CNTNAP2: variants seen among roughly 807,000 people sequenced by gnomAD.
The protein encoded by CNTNAP2 is contactin-associated protein-like 2.
CNTNAP2 carries 98 observed loss-of-function variants against 155.2 expected under a neutral mutation model. That is an observed-to-expected ratio of 0.63 (90% CI 0.54 to 0.75). The LOEUF is 0.75. Ranked by LOEUF, CNTNAP2 falls within the 30% of genes least tolerant of loss-of-function variation. The probability of loss-of-function intolerance (pLI) is 0.00; values close to 1 mark genes in which losing one functional copy is unlikely to be tolerated. For missense variants in CNTNAP2, 1,727 were observed against 1,688.1 expected, an observed-to-expected ratio of 1.02 and a Z score of -0.40; for synonymous variants, 651 against 631.2, an observed-to-expected ratio of 1.03 and a Z score of -0.47.
In CNTNAP2 at chr7:147,309,154, C is replaced by T. The variant is rs112586214; in HGVS notation, c.1498+8864C>T. 1.9e-4 allele frequency among the ~76,000 whole-genome samples: 29 copies of T among 152,222 alleles called. 1 individual carries two copies. The highest frequency in any genetic ancestry group is 6.5e-4 in the African/African-American group (27 of 41,538). On this transcript the variant is annotated intron_variant, in intron 9 of 23. Transcript: ENST00000361727. ...GGGGGGTAGAAAGTAAACTATTTAT[C>T]GCCTCTTAAAATCTAAACTGGAAAT...
At chr7:146,197,127 A>T (rs908622185) in intron 1 of CNTNAP2, among the ~76,000 whole-genome samples, 1 of 152,072 alleles carries the variant, frequency 6.6e-6, no homozygotes, top group Non-Finnish European at 1.5e-5. Flanking sequence ...TTCCACTTTC[A>T]TTTTTCCTAG....
intron 12 of CNTNAP2, among the ~76,000 whole-genome samples, chr7:147,612,830 C>T (rs1801212959): frequency 6.6e-6 from 1 of 152,170 alleles, no homozygotes; most frequent in Non-Finnish European, 1.5e-5. Context: ...ATTTTCTACT[C>T]AATGTTCTGA....
intron 9 of CNTNAP2, among the ~76,000 whole-genome samples, chr7:147,358,009 T>C (rs1043707005): frequency 6.6e-6 from 1 of 152,194 alleles, no homozygotes; most frequent in African/African-American, 2.4e-5. Flanking sequence ...TTAATTGTAG[T>C]ATCTGTGAAA....
chr7:146,604,752 T>G (rs1484932589), intron 1 of CNTNAP2, among the ~76,000 whole-genome samples: 3 of 140,496 alleles, frequency 2.1e-5, no homozygotes, highest in East Asian at 4.1e-4. Context: ...CCATAAAAAA[T>G]GATGAGTTCA....
intron 15 of CNTNAP2, among the ~76,000 whole-genome samples, chr7:148,010,252 C>G (rs2116904205): frequency 6.6e-6 from 1 of 151,470 alleles, no homozygotes; most frequent in South Asian, 2.1e-4. Context: ...TTTACATAAA[C>G]CAAATATTAA....
intron 15 of CNTNAP2, among the ~76,000 whole-genome samples, chr7:148,100,204 T>C (rs1804067804): frequency 6.6e-6 from 1 of 152,054 alleles, no homozygotes; most frequent in Non-Finnish European, 1.5e-5. Flanking sequence ...TGTTGGACTC[T>C]TGTCTTTCCT....
intron 8 of CNTNAP2, among the ~76,000 whole-genome samples, chr7:147,287,969 C>G (rs1462334600): frequency 6.6e-6 from 1 of 152,084 alleles, no homozygotes; most frequent in South Asian, 2.1e-4. Flanking sequence ...TTCACTCTTG[C>G]CTTCTACTTA....
intron 12 of CNTNAP2, among the ~76,000 whole-genome samples, chr7:147,593,212 ATT>A (rs201990418): frequency 2.1e-4 from 29 of 141,058 alleles, no homozygotes; most frequent in South Asian, 6.9e-4. Context: ...ACCTTCCCTT[ATT>A]TTTTTTTTTT....
intron 12 of CNTNAP2, among the ~76,000 whole-genome samples, chr7:147,603,965 A>T (rs1321802709): frequency 2.0e-5 from 3 of 151,498 alleles, no homozygotes; most frequent in South Asian, 2.1e-4. Flanking sequence ...AAAACAAGCA[A>T]TGGGGAAAGG....
At chr7:147,043,690 G>A (rs1799302233) in intron 3 of CNTNAP2, among the ~76,000 whole-genome samples, 1 of 152,202 alleles carries the variant, frequency 6.6e-6, no homozygotes, top group African/African-American at 2.4e-5. Flanking sequence ...TGTTTACATG[G>A]ATGAAAAGAC....
chr7:146,702,610 A>AT (rs776120477), intron 1 of CNTNAP2, among the ~76,000 whole-genome samples: 4 of 152,090 alleles, frequency 2.6e-5, no homozygotes, highest in Non-Finnish European at 5.9e-5. Context: ...AATTTCATTC[A>AT]TTTTTAATTA....
At chr7:146,348,803 G>T (rs1372657495) in intron 1 of CNTNAP2, among the ~76,000 whole-genome samples, 1 of 148,348 alleles carries the variant, frequency 6.7e-6, no homozygotes, top group African/African-American at 2.5e-5. Context: ...AAAATTCCTT[G>T]TTCTCATGAT....
rs1563140014 is a variant in CNTNAP2, at chr7:147,933,525, ATAGATAGATAGATAGATAT to A, written c.2255+29805_2255+29823del. On this transcript the variant is annotated intron_variant, in intron 14 of 23. Coordinates refer to ENST00000361727, the MANE Select transcript of CNTNAP2 (RefSeq NM_014141.6). Reference sequence around the variant, plus strand: ...GATAGATAGATAGATAGATAGATAGATAGATAGATAGATAGATATAACAGAATATCATTCAGCCTTAAGA... The same window carrying A: ...GATAGATAGATAGATAGATAGATAGAAACAGAATATCATTCAGCCTTAAGA... 7.9e-5 allele frequency among the ~76,000 whole-genome samples: 12 copies of A among 152,116 alleles called. No individual in the cohort carries two copies. In the East Asian group the frequency reaches 9.7e-4, roughly 12 times the overall value.
intron 13 of CNTNAP2, among the ~76,000 whole-genome samples, chr7:147,888,807 G>A (rs1294905685): frequency 8.9e-6 from 1 of 112,840 alleles, no homozygotes; most frequent in Non-Finnish European, 2.0e-5. Context: ...GACTTTTTAG[G>A]ACAAAATAAT....
chr7:147,860,589 C>CAAAAAAAAAAAA (rs11342244), intron 13 of CNTNAP2, among the ~76,000 whole-genome samples: 9 of 124,448 alleles, frequency 7.2e-5, no homozygotes, highest in South Asian at 5.1e-4. Context: ...GACTCTGTCT[C>CAAAAAAAAAAAA]AAAAAAAAAA....
intron 1 of CNTNAP2, among the ~76,000 whole-genome samples, chr7:146,460,123 G>T (rs1228237766): frequency 6.6e-6 from 1 of 152,148 alleles, no homozygotes; most frequent in African/African-American, 2.4e-5. Flanking sequence ...CAAATCTCAG[G>T]AGAATGTTGA....
intron 1 of CNTNAP2, among the ~76,000 whole-genome samples, chr7:146,293,460 C>T (rs1407898369): frequency 1.3e-5 from 2 of 152,184 alleles, no homozygotes; most frequent in Admixed American, 6.5e-5. Context: ...TGGCTAGCAA[C>T]ATGAAACTCT....
chr7:146,277,930 A>C (rs1159381965), intron 1 of CNTNAP2, among the ~76,000 whole-genome samples: 1 of 152,160 alleles, frequency 6.6e-6, no homozygotes, highest in East Asian at 1.9e-4. Context: ...ATTTTCAAAA[A>C]AGAAAATAAA....
chr7:146,395,816 GAT>G (rs1563068361), intron 1 of CNTNAP2, among the ~76,000 whole-genome samples: 37 of 141,238 alleles, frequency 2.6e-4, no homozygotes, highest in African/African-American at 8.2e-4. Flanking sequence ...TAGATAGATA[GAT>G]AGATAGAGGA....
Sources: gnomAD v4.1 joint callset for allele counts (sites outside exome capture counted in the v4.1 genomes callset) on GRCh38, gnomAD v4.1.1 for gene constraint, MANE v1.5 for transcripts, NCBI Gene and HGNC (gene_info 2026-07-23, HGNC 2026-07-21) for gene names.